MGAT4C: variants seen among roughly 807,000 people sequenced by gnomAD.
MGAT4C encodes MGAT4 family member C, also known as alpha-1,3-mannosyl-glycoprotein 4-beta-N-acetylglucosaminyltransferase C.
A neutral mutation model predicts 40.1 loss-of-function variants in MGAT4C; 19 were observed. The observed-to-expected ratio is 0.47, with a 90% CI of 0.33 to 0.70. The LOEUF (loss-of-function observed/expected upper bound fraction) is 0.70, where lower values mean the gene tolerates loss of function less well. Ranked by LOEUF, MGAT4C falls within the 30% of genes least tolerant of loss-of-function variation. MGAT4C has a pLI of 0.02. For synonymous variants in MGAT4C, 181 were observed against 187.1 expected, an observed-to-expected ratio of 0.97 and a Z score of 0.27; for missense variants, 491 against 563.2, an observed-to-expected ratio of 0.87 and a Z score of 1.30.
At chr12:86,105,177 T>C (rs1875925190) in intron 1 of MGAT4C, among the ~76,000 whole-genome samples, 1 of 152,174 alleles carries the variant, frequency 6.6e-6, no homozygotes, top group Non-Finnish European at 1.5e-5. Context: ...GACTTAAGAA[T>C]ACATTGTTTA....
intron 2 of MGAT4C, among the ~76,000 whole-genome samples, chr12:86,535,522 C>A (rs1032442943): frequency 8.6e-5 from 13 of 152,000 alleles, no homozygotes; most frequent in Non-Finnish European, 1.9e-4. Context: ...ACTCAGCTTC[C>A]CCTTCCAATT....
intron 2 of MGAT4C, among the ~76,000 whole-genome samples, chr12:86,670,261 G>A (rs1168280715): frequency 1.3e-5 from 2 of 151,884 alleles, no homozygotes; most frequent in Non-Finnish European, 2.9e-5. Context: ...TGGATTTCAA[G>A]GAAGCTCAAT....
At chr12:86,792,793 T>A (rs1952047634) in intron 1 of MGAT4C, among the ~76,000 whole-genome samples, 1 of 151,982 alleles carries the variant, frequency 6.6e-6, no homozygotes, top group African/African-American at 2.4e-5. Context: ...TAGCCAGGTG[T>A]GGTGGCGGAC....
At chr12:86,267,731 G>A (rs1329831844) in intron 4 of MGAT4C, among the ~76,000 whole-genome samples, 2 of 152,040 alleles carry the variant, frequency 1.3e-5, no homozygotes, top group African/African-American at 4.8e-5. Context: ...GAACACCATT[G>A]AATAAATGCA....
intron 1 of MGAT4C, among the ~76,000 whole-genome samples, chr12:86,146,146 G>C (rs987880681): frequency 6.6e-6 from 1 of 152,082 alleles, no homozygotes; most frequent in Admixed American, 6.5e-5. Context: ...TTCTTACTTT[G>C]TTTTCTATGA....
chr12:86,091,687 TTAAA>T (rs1872914239), intron 1 of MGAT4C, among the ~76,000 whole-genome samples: 1 of 152,112 alleles, frequency 6.6e-6, no homozygotes, highest in African/African-American at 2.4e-5. Flanking sequence ...GAAAAGTGAC[TTAAA>T]TATAGAATTT....
chr12:86,819,513 G>A (rs1243004592), intron 1 of MGAT4C, among the ~76,000 whole-genome samples: 1 of 150,880 alleles, frequency 6.6e-6, no homozygotes, highest in Non-Finnish European at 1.5e-5. Context: ...AGTTTCAGAG[G>A]CAGTCAATAA....
intron 1 of MGAT4C, among the ~76,000 whole-genome samples, chr12:86,154,820 T>C (rs1884719804): frequency 1.3e-5 from 2 of 152,190 alleles, no homozygotes; most frequent in African/African-American, 4.8e-5. Context: ...CAATTACGTG[T>C]TGAGAGCTTC....
chr12:86,353,032 A>C (rs563192646), intron 3 of MGAT4C, among the ~76,000 whole-genome samples: 2 of 147,302 alleles, frequency 1.4e-5, no homozygotes, highest in South Asian at 4.2e-4. Context: ...ATAAAATAAA[A>C]AAATAAATAA....
chr12:86,420,194 A>G (rs1455226325), intron 3 of MGAT4C, among the ~76,000 whole-genome samples: 1 of 151,920 alleles, frequency 6.6e-6, no homozygotes, highest in African/African-American at 2.4e-5. Flanking sequence ...CCTTGGCAAC[A>G]TGGTGAAAAC....
rs1431429619 is a variant in MGAT4C, at chr12:86,276,040, C to T, written c.-57+58025G>A. Among the ~76,000 whole-genome samples the T allele has an allele frequency of 4.0e-5, 6 of 149,432 alleles. No individual in the cohort carries two copies. The East Asian group carries it at 1.2e-3, about 29-fold the overall frequency. On this transcript the variant is annotated intron_variant, in intron 4 of 7. Transcript: ENST00000548651. ...GGCTGAGGCTGGAGAATGGCGTGAT[C>T]CCGGGAGGCGGAGCTTGCAGTGAGC...
intron 2 of MGAT4C, among the ~76,000 whole-genome samples, chr12:86,678,420 CT>C (rs200793863): frequency 0.027 from 3,971 of 148,860 alleles, 134 homozygotes; most frequent in African/African-American, 0.074. Flanking sequence ...TCTGTTTCCT[CT>C]TTTTTTTTTA....
chr12:86,238,674 T>G (rs147712221), intron 1 of MGAT4C, among the ~76,000 whole-genome samples: 15 of 152,132 alleles, frequency 9.9e-5, no homozygotes, highest in African/African-American at 3.6e-4. Flanking sequence ...TAGAATTATT[T>G]ATGGTTATAA....
intron 2 of MGAT4C, among the ~76,000 whole-genome samples, chr12:86,474,873 A>AATAG (rs5799782): frequency 0.1 from 15,776 of 152,104 alleles, 1,018 homozygotes; most frequent in Middle Eastern, 0.25. Context: ...AAAGCAAATA[A>AATAG]ATAGGTTCTT....
intron 1 of MGAT4C, among the ~76,000 whole-genome samples, chr12:86,743,846 G>A (rs1016704979): frequency 6.6e-6 from 1 of 151,574 alleles, no homozygotes; most frequent in Non-Finnish European, 1.5e-5. Context: ...ACAGTTAAGT[G>A]TGGCTTTTTT....
chr12:86,178,633 G>A (rs1461562716), intron 1 of MGAT4C, among the ~76,000 whole-genome samples: 1 of 152,204 alleles, frequency 6.6e-6, no homozygotes, highest in African/African-American at 2.4e-5. Flanking sequence ...TGATCCCATT[G>A]TGGTGATTAG....
intron 2 of MGAT4C, among the ~76,000 whole-genome samples, chr12:86,616,140 G>A (rs891053943): frequency 1.7e-4 from 26 of 152,074 alleles, no homozygotes; most frequent in Non-Finnish European, 4.4e-5. Context: ...GAGAACTTAA[G>A]TAATGATCTG....
intron 2 of MGAT4C, among the ~76,000 whole-genome samples, chr12:86,622,366 A>T (rs1000792833): frequency 2.0e-5 from 3 of 152,148 alleles, no homozygotes; most frequent in African/African-American, 7.2e-5. Context: ...AGTCACTACT[A>T]ATTTCAGAGT....
intron 1 of MGAT4C, among the ~76,000 whole-genome samples, chr12:86,763,787 T>G (rs1281119423): frequency 6.6e-6 from 1 of 152,148 alleles, no homozygotes; most frequent in Non-Finnish European, 1.5e-5. Context: ...GTTCTATAAT[T>G]GGTAGTTAAA....
Sources: allele counts gnomAD v4.1 joint callset (sites outside exome capture counted in the v4.1 genomes callset), GRCh38; gene constraint gnomAD v4.1.1; transcripts MANE v1.5; gene names NCBI Gene and HGNC (gene_info 2026-07-23, HGNC 2026-07-21).